The following CXorf66 variants were observed in gnomAD, a reference collection of about 807,000 sequenced individuals.
CXorf66 encodes chromosome X open reading frame 66.
Under a neutral mutation model 5.0 loss-of-function variants are expected in CXorf66, and 6 were observed. The ratio of observed to expected loss-of-function variants is 1.20; its 90% CI spans 0.65 to 2.36. The LOEUF is 2.36. Ranked by LOEUF, CXorf66 falls within the 30% of genes most tolerant of loss-of-function variation. The pLI, the probability that CXorf66 is intolerant of heterozygous loss-of-function variation, is 0.00. For synonymous variants in CXorf66, 98 were observed against 102.8 expected (o/e 0.95, Z 0.28); for missense variants, 270 against 254.9 (o/e 1.06, Z -0.40).
In CXorf66 at chrX:139,956,249, G is replaced by T. The variant is rs1474283039; in HGVS notation, c.733C>A (p.Pro245Thr). 1 of 1,210,012 alleles carries T rather than the reference G, an allele frequency of 8.3e-7. No homozygotes were observed. Among genetic ancestry groups the T allele is most frequent in the African/African-American group, 1.7e-5 (1 of 57,157 alleles). The change falls in exon 3 of 3, where the codon CCA becomes ACA. Residue 245 changes from proline to threonine, a missense_variant. Transcript: ENST00000370540. ...ELAKPPKHFN[P>T]KRSVSLGRAA... ...CTGCCTAGACTCACTGACCTTTTTG[G>T]ATTAAAATGTTTGGGAGGCTTAGCC... is the stretch of plus-strand genomic sequence containing the variant.
At chrX:139,957,199 T>C (rs193161758) in intron 2 of CXorf66, among the ~76,000 whole-genome samples, 66 of 111,434 alleles carry the variant, frequency 5.9e-4, no homozygotes, top group African/African-American at 1.8e-3. Context: ...AAAAACAGAA[T>C]TGGAGTGGTG....
Position 139,955,983 on chromosome X carries a change from A to G in CXorf66, c.999T>C (p.Tyr333=). The G allele has an allele frequency of 1.3e-5, 16 of 1,209,907 alleles. No homozygotes were observed. The highest frequency in any genetic ancestry group is 1.8e-5 in the Non-Finnish European group (16 of 893,968). The change falls in exon 3 of 3, where the codon TAT becomes TAC. Residue 333 remains tyrosine, a synonymous_variant. Transcript: ENST00000370540. ...TAACTTTATCACTGTCAACCTCACT[A>G]TAATATTTCATCGTATCACTGTCAT... ...HVNDSDTMKY[Y]SEVDSDKVII...
Position 139,955,786 on chromosome X carries a change from G to T in CXorf66, c.*110C>A. On this transcript the variant is annotated 3_prime_UTR_variant, in exon 3 of 3. Coordinates refer to ENST00000370540, the MANE Select transcript of CXorf66 (RefSeq NM_001013403.3). ...TAAATCGCCTCCAAGACAGATATGG[G>T]TGATCTTGATAGTGATTTTTCCCTC... 1 of 669,740 alleles carries T rather than the reference G, an allele frequency of 1.5e-6. No homozygotes were observed. The highest frequency in any genetic ancestry group is 2.2e-6 in the Non-Finnish European group (1 of 462,188). The allele number at this position is 669,740 out of a possible 1,213,427, so 55.2% of individuals were successfully genotyped here. A position where few individuals can be genotyped will look rare whatever the true frequency, so the allele number is the denominator to read the frequency against.
Position 139,958,906 on chromosome X carries a change from A to G in CXorf66, c.89-689T>C, listed in dbSNP as rs2085583701. Among the ~76,000 whole-genome samples the G allele has an allele frequency of 1.1e-4, 12 of 112,325 alleles. No individual in the cohort carries two copies. The Admixed American group carries it at 1.1e-3, about 11-fold the overall frequency. ...CCAGCCCAGATACTACGCTTTTCCCATGGTTTTGGCAATCCACAGACCAGG... is the reference window on the plus strand; with the variant it reads ...CCAGCCCAGATACTACGCTTTTCCCGTGGTTTTGGCAATCCACAGACCAGG... On this transcript the variant is annotated intron_variant, in intron 1 of 2. Coordinates refer to ENST00000370540, the MANE Select transcript of CXorf66 (RefSeq NM_001013403.3).
intron 1 of CXorf66, among the ~76,000 whole-genome samples, chrX:139,958,941 C>T (rs182523346): frequency 8.9e-6 from 1 of 112,222 alleles, no homozygotes; most frequent in East Asian, 2.8e-4. Context: ...GAGATTCTCT[C>T]GTGTGCCTAC....
intron 1 of CXorf66, 103 bp from the exon 2 acceptor site, chrX:139,958,320 A>G: frequency 1.7e-6 from 1 of 590,358 alleles, no homozygotes; most frequent in Non-Finnish European, 2.6e-6. Context: ...TTCTTCATGA[A>G]TTATTTTTTA....
intron 1 of CXorf66, among the ~76,000 whole-genome samples, chrX:139,961,903 C>T (rs1220211417): frequency 8.9e-6 from 1 of 111,889 alleles, no homozygotes; most frequent in Admixed American, 9.6e-5. Context: ...ACCAGCATCT[C>T]TGGGACACAG....
intron 1 of CXorf66, among the ~76,000 whole-genome samples, chrX:139,963,411 G>A: frequency 8.9e-6 from 1 of 111,791 alleles, no homozygotes; most frequent in Non-Finnish European, 1.9e-5. Flanking sequence ...GGAAATAAGA[G>A]AGGTCACAAA....
intron 1 of CXorf66, 33 bp from the exon 2 acceptor site, chrX:139,958,250 T>G: frequency 9.4e-7 from 1 of 1,068,154 alleles, no homozygotes; most frequent in East Asian, 3.3e-5. Context: ...GAGAAGGTGT[T>G]AAGTAACCAA....
chrX:139,963,305 A>G (rs927514859), intron 1 of CXorf66, among the ~76,000 whole-genome samples: 1 of 111,657 alleles, frequency 9.0e-6, no homozygotes, highest in Non-Finnish European at 1.9e-5. Flanking sequence ...GTGAACTCCC[A>G]TTCACAATTA....
In CXorf66 at chrX:139,956,567, T is replaced by A. The variant is rs974255427; in HGVS notation, c.415A>T (p.Arg139Ter). ...SAQSSTEKLI[R>*]PSSLQKPSIP... Reference sequence around the variant, plus strand: ...GATGGCTTTTGTAGACTTGAGGGTCTGATTAATTTTTCTGTGCTGGATTGT... The same window carrying A: ...GATGGCTTTTGTAGACTTGAGGGTCAGATTAATTTTTCTGTGCTGGATTGT... The change falls in exon 3 of 3, where the codon AGA (arginine) becomes TGA (stop). Residue 139 changes from arginine to a stop codon, truncating the protein, a stop_gained. Coordinates refer to ENST00000370540, the MANE Select transcript of CXorf66 (RefSeq NM_001013403.3). LOFTEE classifies it low-confidence loss of function (END_TRUNC). 5.0e-6 allele frequency: 6 copies of A among 1,209,284 alleles called. No individual in the cohort carries two copies. Among genetic ancestry groups the A allele is most frequent in the Non-Finnish European group, 6.7e-6 (6 of 894,998 alleles).
At chrX:139,957,380 GAA>G (rs2085578059) in intron 2 of CXorf66, among the ~76,000 whole-genome samples, 1 of 110,462 alleles carries the variant, frequency 9.1e-6, no homozygotes, top group African/African-American at 3.3e-5. Context: ...CACACAAAGA[GAA>G]AGAGAGAGAG....
chrX:139,956,615 ATGAAT>A lies in CXorf66; in HGVS notation c.362_366del (p.Asp121ValfsTer35), dbSNP rs765760520. 2 of 1,209,501 alleles carry A rather than the reference ATGAAT, an allele frequency of 1.7e-6. No homozygotes were observed. Among genetic ancestry groups the A allele is most frequent in the East Asian group, 5.9e-5 (2 of 33,753 alleles). Reference sequence around the variant, plus strand: ...TGTGCGGATGCCCTTTCTGGACTCGATGAATCAGATGACTTGTCTGCAGTAGATAG... The same window carrying A: ...TGTGCGGATGCCCTTTCTGGACTCGACAGATGACTTGTCTGCAGTAGATAG... On this transcript the variant is annotated frameshift_variant, in exon 3 of 3. Coordinates refer to ENST00000370540, the MANE Select transcript of CXorf66 (RefSeq NM_001013403.3). LOFTEE classifies it low-confidence loss of function (END_TRUNC).
chrX:139,959,106 C>G (rs2085584465), intron 1 of CXorf66, among the ~76,000 whole-genome samples: 1 of 111,674 alleles, frequency 9.0e-6, no homozygotes, highest in South Asian at 3.8e-4. Context: ...ACCCAGGGAG[C>G]CACGTGGTCT....
Position 139,958,167 on chromosome X carries a change from T to C in CXorf66, c.139A>G (p.Asn47Asp). The change falls in exon 2 of 3, where the codon AAT becomes GAT. Residue 47 changes from asparagine to aspartate, a missense_variant. Transcript: ENST00000370540. The stretch of plus-strand genomic sequence containing the variant: ...ATAATACCAACTAAAATGAGTAGAT[T>C]TCTTCTAAGGTAGTTCAATTTTGTC... ...MQTKLNYLRR[N>D]LLILVGIIIM... 1 of 1,199,012 alleles carries C rather than the reference T, an allele frequency of 8.3e-7. No homozygotes were observed. The highest frequency in any genetic ancestry group is 1.1e-6 in the Non-Finnish European group (1 of 887,643).
Position 139,955,736 on chromosome X carries a change from A to AC in CXorf66, c.*159_*160insG. 1 of 422,009 alleles carries AC rather than the reference A, an allele frequency of 2.4e-6. No homozygotes were observed. The highest frequency in any genetic ancestry group is 5.9e-5 in the South Asian group (1 of 17,074). The allele number at this position is 422,009 out of a possible 1,213,427, so 34.8% of individuals were successfully genotyped here. A position where few individuals can be genotyped will look rare whatever the true frequency, so the allele number is the denominator to read the frequency against. On this transcript the variant is annotated 3_prime_UTR_variant, in exon 3 of 3. Coordinates refer to ENST00000370540, the MANE Select transcript of CXorf66 (RefSeq NM_001013403.3). Reference sequence around the variant, plus strand: ...AATAATTACAATAGTAATTTATGTCATGCATTTTATTGATATTTTTAAAAT... The same window carrying AC: ...AATAATTACAATAGTAATTTATGTCACTGCATTTTATTGATATTTTTAAAAT...
chrX:139,959,063 C>G (rs779644151), intron 1 of CXorf66, among the ~76,000 whole-genome samples: 10 of 111,638 alleles, frequency 9.0e-5, no homozygotes, highest in African/African-American at 3.3e-4. Flanking sequence ...CCCAGTGAGA[C>G]AGAACCATTC....
At chrX:139,960,428 G>A (rs749838156) in intron 1 of CXorf66, among the ~76,000 whole-genome samples, 2 of 110,619 alleles carry the variant, frequency 1.8e-5, no homozygotes, top group African/African-American at 3.3e-5. Flanking sequence ...ATGGGACTAT[G>A]TGAAAAGACC....
intron 1 of CXorf66, among the ~76,000 whole-genome samples, chrX:139,961,784 A>G (rs1040737170): frequency 6.3e-5 from 7 of 111,936 alleles, no homozygotes; most frequent in Non-Finnish European, 1.1e-4. Flanking sequence ...AAACCACACA[A>G]CTACATGGAA....
Sources: allele counts gnomAD v4.1 joint callset (sites outside exome capture counted in the v4.1 genomes callset), GRCh38; gene constraint gnomAD v4.1.1; transcripts MANE v1.5; gene names NCBI Gene and HGNC (gene_info 2026-07-23, HGNC 2026-07-21).